The following USP7 variants were observed in gnomAD, a reference collection of about 807,000 sequenced individuals.
The protein encoded by USP7 is ubiquitin specific peptidase 7.
Under a neutral mutation model 162.9 loss-of-function variants are expected in USP7, and 9 were observed. The observed-to-expected ratio is 0.06, with a 90% confidence interval of 0.03 to 0.10. The LOEUF is 0.10. Ranked by LOEUF, USP7 falls within the 10% of genes least tolerant of loss-of-function variation. The probability of loss-of-function intolerance (pLI) is 1.00; values close to 1 mark genes in which losing one functional copy is unlikely to be tolerated. For missense variants in USP7, 715 were observed against 1,373.7 expected, an observed-to-expected ratio of 0.52 and a Z score of 7.58; for synonymous variants, 562 against 475.9, an observed-to-expected ratio of 1.18 and a Z score of -2.35.
intron 1 of USP7, among the ~76,000 whole-genome samples, chr16:8,959,876 C>T: frequency 6.6e-6 from 1 of 152,188 alleles, no homozygotes. Flanking sequence ...TAATTTGCTC[C>T]TAATAGCAGC....
At chr16:8,948,525 T>A (rs1899395699) in intron 1 of USP7, among the ~76,000 whole-genome samples, 1 of 152,114 alleles carries the variant, frequency 6.6e-6, no homozygotes, top group Non-Finnish European at 1.5e-5. Context: ...TATTCCTAAC[T>A]GCAAAAAAAG....
At chr16:8,960,165 A>G (rs1899956213) in intron 1 of USP7, among the ~76,000 whole-genome samples, 1 of 152,182 alleles carries the variant, frequency 6.6e-6, no homozygotes, top group South Asian at 2.1e-4. Context: ...AAGCAACCTT[A>G]TTCCCAGCCA....
At chr16:8,902,351 C>G in intron 17 of USP7, 30 bp downstream of exon 17, 2 of 1,610,230 alleles carry the variant, frequency 1.2e-6, no homozygotes, top group Non-Finnish European at 1.7e-6. Context: ...TGCACGGTTC[C>G]AAACCAGATA....
chr16:8,900,454 A>G, intron 21 of USP7, 76 bp downstream of exon 21: 2 of 1,123,862 alleles, frequency 1.8e-6, no homozygotes, highest in Non-Finnish European at 2.5e-6. Flanking sequence ...TCTAGGTACA[A>G]ATGTTTCTTG....
intron 26 of USP7, 21 bp downstream of exon 26, chr16:8,896,978 T>C (rs759965148): frequency 1.2e-5 from 19 of 1,592,832 alleles, no homozygotes; most frequent in Admixed American, 3.3e-5. Flanking sequence ...ACGTCCACAA[T>C]TGGGCTCAAG....
chr16:8,946,071 C>T (rs2141255312), intron 1 of USP7, among the ~76,000 whole-genome samples: 1 of 152,266 alleles, frequency 6.6e-6, no homozygotes, highest in African/African-American at 2.4e-5. Context: ...CGGACAAAGA[C>T]AGTCTCTAAC....
intron 6 of USP7, 102 bp downstream of exon 6, chr16:8,918,929 C>G: frequency 8.7e-7 from 1 of 1,148,788 alleles, no homozygotes; most frequent in Non-Finnish European, 1.3e-6. Context: ...GAGACAGGGC[C>G]AGGGGAGGGA....
At chr16:8,905,856 C>G (rs2061851025) in intron 13 of USP7, among the ~76,000 whole-genome samples, 1 of 152,244 alleles carries the variant, frequency 6.6e-6, no homozygotes, top group African/African-American at 2.4e-5. Flanking sequence ...CCACATTAAA[C>G]AGTGATGAAC....
chr16:8,963,130 C>G, intron 1 of USP7, 77 bp downstream of exon 1: 2 of 1,275,132 alleles, frequency 1.6e-6, no homozygotes, highest in Non-Finnish European at 2.0e-6. Flanking sequence ...GCGAGCCCCT[C>G]GCGTGGCTCC....
chr16:8,944,186 C>T (rs1481893554), intron 1 of USP7, among the ~76,000 whole-genome samples: 1 of 151,538 alleles, frequency 6.6e-6, no homozygotes, highest in African/African-American at 2.4e-5. Flanking sequence ...CGGGAATATG[C>T]ATTACTCTTA....
Position 8,903,379 on chromosome 16 carries a change from A to G in USP7, c.1728T>C (p.Cys576=). The change falls in exon 16 of 31, where the codon TGT becomes TGC. Residue 576 remains cysteine (C), a synonymous_variant. Transcript: ENST00000344836. ...CGTACATGTCATTCCCTTGGTGGCC[A>G]CAAAACTGGTCCTCTGCGACTATCT... The part of the protein sequence containing the change: ...QVQIVAEDQF[C]GHQGNDMYDE... 6.2e-7 allele frequency: 1 copy of G among 1,614,140 alleles called. No homozygotes were observed. The highest frequency in any genetic ancestry group is 8.5e-7 in the Non-Finnish European group (1 of 1,179,988).
At chr16:8,895,967 G>A (rs1212605407) in intron 26 of USP7, among the ~76,000 whole-genome samples, 2 of 151,708 alleles carry the variant, frequency 1.3e-5, no homozygotes, top group Non-Finnish European at 2.9e-5. Context: ...CTCCCGAGTA[G>A]TTGGGACTAC....
intron 10 of USP7, 25 bp downstream of exon 10, chr16:8,915,229 G>T (rs1321654357): frequency 3.9e-6 from 6 of 1,536,734 alleles, no homozygotes; most frequent in Non-Finnish European, 5.3e-6. Context: ...AAAAGATCAT[G>T]CCATTAGATA....
intron 3 of USP7, among the ~76,000 whole-genome samples, chr16:8,922,358 C>A (rs1172976753): frequency 1.3e-5 from 2 of 152,178 alleles, no homozygotes; most frequent in Non-Finnish European, 2.9e-5. Context: ...TGTGGTGGCA[C>A]ACGCCTATAG....
At chr16:8,904,078 C>T (rs566929385) in intron 15 of USP7, among the ~76,000 whole-genome samples, 1 of 152,288 alleles carries the variant, frequency 6.6e-6, no homozygotes, top group South Asian at 2.1e-4. Context: ...CAAGTCTTTA[C>T]TCCTGAACTG....
intron 11 of USP7, among the ~76,000 whole-genome samples, chr16:8,909,009 A>G (rs953786271): frequency 6.6e-6 from 1 of 152,248 alleles, no homozygotes; most frequent in Non-Finnish European, 1.5e-5. Context: ...CTTATGGTTC[A>G]ATCCCACTTC....
chr16:8,952,429 T>TAAGCTGG (rs923244351), intron 1 of USP7, among the ~76,000 whole-genome samples: 1 of 152,166 alleles, frequency 6.6e-6, no homozygotes, highest in African/African-American at 2.4e-5. Context: ...GAAATGGGTC[T>TAAGCTGG]CACCGGGCTA....
intron 24 of USP7, 21 bp downstream of exon 24, chr16:8,898,510 T>TA (rs1320612677): frequency 1.9e-6 from 3 of 1,605,990 alleles, no homozygotes; most frequent in Non-Finnish European, 2.6e-6. Flanking sequence ...GACCCATAGT[T>TA]ACATTAATTT....
chr16:8,894,128 G>A, intron 30 of USP7, 24 bp from the exon 31 acceptor site: 2 of 1,606,146 alleles, frequency 1.2e-6, no homozygotes. Context: ...AGAAAAGCAA[G>A]TGAGGCCACA....
Sources: allele counts gnomAD v4.1 joint callset (sites outside exome capture counted in the v4.1 genomes callset), GRCh38; gene constraint gnomAD v4.1.1; transcripts MANE v1.5; gene names NCBI Gene and HGNC (gene_info 2026-07-23, HGNC 2026-07-21).